MYRIP: variants seen among roughly 807,000 people sequenced by gnomAD.
The protein encoded by MYRIP is myosin VIIA and Rab interacting protein.
MYRIP carries 49 observed loss-of-function variants against 98.0 expected under a neutral mutation model. That is an observed-to-expected ratio of 0.50 (90% CI 0.40 to 0.63). The LOEUF (loss-of-function observed/expected upper bound fraction) is 0.63, where lower values mean the gene tolerates loss of function less well. Ranked by LOEUF, MYRIP falls within the 30% of genes least tolerant of loss-of-function variation. The probability of loss-of-function intolerance (pLI) is 0.00; values close to 1 mark genes in which losing one functional copy is unlikely to be tolerated. For missense variants in MYRIP, 1,004 were observed against 1,058.2 expected (o/e 0.95, Z 0.71); for synonymous variants, 404 against 409.5 (o/e 0.99, Z 0.16).
At chr3:40,136,269 G>T (rs1437715817) in intron 3 of MYRIP, among the ~76,000 whole-genome samples, 3 of 152,102 alleles carry the variant, frequency 2.0e-5, no homozygotes, top group Admixed American at 6.5e-5. Flanking sequence ...AACCGACAAA[G>T]ATCAAAAGAG....
chr3:39,959,424 C>T (rs1364830083), intron 2 of MYRIP, among the ~76,000 whole-genome samples: 1 of 152,016 alleles, frequency 6.6e-6, no homozygotes, highest in African/African-American at 2.4e-5. Context: ...ATCGCAGGGA[C>T]AGAAAACCAA....
At chr3:39,877,213 C>T (rs1274411761) in intron 1 of MYRIP, among the ~76,000 whole-genome samples, 1 of 152,176 alleles carries the variant, frequency 6.6e-6, no homozygotes, top group Non-Finnish European at 1.5e-5. Flanking sequence ...AAGCACTTCT[C>T]TGTATTGGTT....
intron 1 of MYRIP, among the ~76,000 whole-genome samples, chr3:39,860,585 T>C (rs1942438415): frequency 6.6e-6 from 1 of 152,140 alleles, no homozygotes; most frequent in Non-Finnish European, 1.5e-5. Context: ...GGTACATCCT[T>C]AGATGCCCAG....
chr3:40,175,957 C>T (rs1950745536), intron 8 of MYRIP, among the ~76,000 whole-genome samples: 1 of 152,224 alleles, frequency 6.6e-6, no homozygotes, highest in African/African-American at 2.4e-5. Context: ...GCTGCTGAGG[C>T]AAAGAATGTG....
intron 2 of MYRIP, among the ~76,000 whole-genome samples, chr3:39,912,613 C>T (rs781701884): frequency 6.6e-6 from 1 of 152,196 alleles, no homozygotes; most frequent in South Asian, 2.1e-4. Flanking sequence ...CCATATAACA[C>T]TTCAGTCCTT....
chr3:39,899,163 A>G (rs1363264701), intron 1 of MYRIP, among the ~76,000 whole-genome samples: 1 of 152,008 alleles, frequency 6.6e-6, no homozygotes, highest in Non-Finnish European at 1.5e-5. Flanking sequence ...TAATTTTTTG[A>G]CATTCTATGT....
chr3:39,943,887 T>G (rs779205121), intron 2 of MYRIP, among the ~76,000 whole-genome samples: 1 of 152,130 alleles, frequency 6.6e-6, no homozygotes, highest in Non-Finnish European at 1.5e-5. Context: ...GTCCTAAATT[T>G]GTGAAGCTTT....
chr3:39,921,318 A>G (rs1280132191), intron 2 of MYRIP, among the ~76,000 whole-genome samples: 1 of 152,170 alleles, frequency 6.6e-6, no homozygotes, highest in Non-Finnish European at 1.5e-5. Context: ...CACAATTGTG[A>G]CAGTAGGCCT....
chr3:39,957,427 C>A (rs1320599060), intron 2 of MYRIP, among the ~76,000 whole-genome samples: 1 of 152,086 alleles, frequency 6.6e-6, no homozygotes, highest in African/African-American at 2.4e-5. Context: ...ACGACAAAAA[C>A]CACATGATTA....
chr3:40,160,766 G>A (rs571338500), intron 4 of MYRIP, among the ~76,000 whole-genome samples: 36 of 152,254 alleles, frequency 2.4e-4, no homozygotes, highest in Admixed American at 7.8e-4. Flanking sequence ...TCCAGGTGCC[G>A]TCTTTCCAGG....
intron 3 of MYRIP, among the ~76,000 whole-genome samples, chr3:40,080,791 C>CTTTTTTTTTTTT (rs34610302): frequency 5.3e-5 from 5 of 93,836 alleles, no homozygotes; most frequent in Non-Finnish European, 8.4e-5. Context: ...ATCCTAACTT[C>CTTTTTTTTTTTT]TTTTTTTTTT....
At chr3:39,956,479 A>G (rs1165623612) in intron 2 of MYRIP, among the ~76,000 whole-genome samples, 4 of 152,238 alleles carry the variant, frequency 2.6e-5, no homozygotes, top group Non-Finnish European at 4.4e-5. Flanking sequence ...TTTGAAACCA[A>G]CAAGAACAAA....
At chr3:40,108,099 G>T (rs750163453) in intron 3 of MYRIP, among the ~76,000 whole-genome samples, 2 of 151,658 alleles carry the variant, frequency 1.3e-5, no homozygotes, top group African/African-American at 2.4e-5. Flanking sequence ...CAGAGGACAT[G>T]AAGTCATAAC....
At chr3:40,231,772 T>C (rs1952666895) in intron 11 of MYRIP, among the ~76,000 whole-genome samples, 4 of 151,790 alleles carry the variant, frequency 2.6e-5, no homozygotes, top group Admixed American at 2.6e-4. Flanking sequence ...GTCTAACTTT[T>C]TTTTCTGAAT....
intron 2 of MYRIP, among the ~76,000 whole-genome samples, chr3:39,993,727 C>T (rs1028288612): frequency 1.2e-4 from 18 of 152,184 alleles, no homozygotes; most frequent in Admixed American, 3.3e-4. Flanking sequence ...TCTCTGTCTT[C>T]CCCCTTCGAA....
chr3:40,021,479 T>C (rs1408401263), intron 2 of MYRIP, among the ~76,000 whole-genome samples: 2 of 152,222 alleles, frequency 1.3e-5, no homozygotes, highest in Non-Finnish European at 2.9e-5. Flanking sequence ...ATCTGAGCTG[T>C]AGAGATCCTC....
In MYRIP at chr3:40,190,366, G is replaced by A. The variant is rs143471880; in HGVS notation, c.1568G>A (p.Arg523Gln). 1,049 of 1,613,858 alleles carry A rather than the reference G, an allele frequency of 6.5e-4. 9 individuals carry two copies. The South Asian group carries it at 7.7e-3, about 12-fold the overall frequency. Reference sequence around the variant, plus strand: ...GAGGCCCCCCACACCACAGACCGGCGGGCCAGGAGGTGGAGAAGAGCCCGA... The same window carrying A: ...GAGGCCCCCCACACCACAGACCGGCAGGCCAGGAGGTGGAGAAGAGCCCGA... ...PEEAPHTTDRRARRWRRARLG... is the reference protein window; with the variant it reads ...PEEAPHTTDRQARRWRRARLG... Residue 523 changes from arginine to glutamine, a missense_variant, in exon 10 of 17, where the codon CGG becomes CAG. By Grantham distance (43) the Arg-to-Gln change is conservative (BLOSUM62 1). Transcript: ENST00000302541.
intron 1 of MYRIP, among the ~76,000 whole-genome samples, chr3:39,840,530 T>C (rs543415488): frequency 1.0e-3 from 156 of 152,320 alleles, no homozygotes; most frequent in African/African-American, 3.6e-3. Flanking sequence ...TGCTAGCTGG[T>C]TATTTTGCCC....
chr3:40,042,563 C>G (rs1192835229), intron 2 of MYRIP, among the ~76,000 whole-genome samples: 1 of 150,256 alleles, frequency 6.7e-6, no homozygotes, highest in African/African-American at 2.4e-5. Flanking sequence ...ATAATCACAA[C>G]TGGGTATAAA....
Sources: allele counts gnomAD v4.1 joint callset (sites outside exome capture counted in the v4.1 genomes callset), GRCh38; gene constraint gnomAD v4.1.1; transcripts MANE v1.5; gene names NCBI Gene and HGNC (gene_info 2026-07-23, HGNC 2026-07-21).